The following LRMDA variants were observed in gnomAD, a reference collection of about 807,000 sequenced individuals.
LRMDA encodes the protein leucine rich melanocyte differentiation associated.
Under a neutral mutation model 29.8 loss-of-function variants are expected in LRMDA, and 18 were observed. That is an observed-to-expected ratio of 0.60 (90% confidence interval 0.42 to 0.90). The LOEUF (loss-of-function observed/expected upper bound fraction) is 0.90. LRMDA is among the 40% of genes least tolerant of loss of function. LRMDA has a pLI of 0.00. For synonymous variants in LRMDA, 125 were observed against 109.4 expected (o/e 1.14, Z -0.89); for missense variants, 273 against 273.9 (o/e 1.00, Z 0.02).
intron 2 of LRMDA, among the ~76,000 whole-genome samples, chr10:75,617,047 C>T (rs1287338048): frequency 6.6e-6 from 1 of 152,168 alleles, no homozygotes; most frequent in East Asian, 1.9e-4. Flanking sequence ...GATTAAGGTC[C>T]AGATGGTTTC....
At chr10:76,216,881 T>A (rs1851738602) in intron 5 of LRMDA, among the ~76,000 whole-genome samples, 1 of 152,200 alleles carries the variant, frequency 6.6e-6, no homozygotes, top group Non-Finnish European at 1.5e-5. Flanking sequence ...GGTCTACCAA[T>A]GAGTGAATGA....
At chr10:76,540,562 G>A (rs752547078) in intron 6 of LRMDA, among the ~76,000 whole-genome samples, 1 of 152,068 alleles carries the variant, frequency 6.6e-6, no homozygotes, top group African/African-American at 2.4e-5. Flanking sequence ...CCCCATCGTC[G>A]GTGGAATCAA....
At chr10:75,585,736 T>G (rs1840648024) in intron 2 of LRMDA, among the ~76,000 whole-genome samples, 1 of 152,224 alleles carries the variant, frequency 6.6e-6, no homozygotes, top group African/African-American at 2.4e-5. Context: ...AATACATTAT[T>G]GTTGATTGTA....
At chr10:76,217,458 T>TG (rs553913967) in intron 5 of LRMDA, among the ~76,000 whole-genome samples, 41 of 152,140 alleles carry the variant, frequency 2.7e-4, no homozygotes, top group African/African-American at 9.6e-4. Context: ...AGAACCTGGC[T>TG]GGGGGGGAAT....
intron 5 of LRMDA, among the ~76,000 whole-genome samples, chr10:76,235,533 AT>A (rs1051626475): frequency 6.6e-6 from 1 of 152,054 alleles, no homozygotes; most frequent in African/African-American, 2.4e-5. Flanking sequence ...CCTGCAGAGG[AT>A]TTCTGGGAAA....
chr10:76,248,929 A>C (rs1293078266), intron 5 of LRMDA, among the ~76,000 whole-genome samples: 1 of 152,168 alleles, frequency 6.6e-6, no homozygotes, highest in Non-Finnish European at 1.5e-5. Flanking sequence ...TCTTATCAAC[A>C]CTTGATGGGA....
chr10:76,417,428 A>G (rs1466891704), intron 6 of LRMDA, among the ~76,000 whole-genome samples: 3 of 152,140 alleles, frequency 2.0e-5, no homozygotes, highest in Non-Finnish European at 2.9e-5. Flanking sequence ...TGCACAAATC[A>G]TAGTATACAA....
chr10:75,588,096 T>A (rs1258482294), intron 2 of LRMDA, among the ~76,000 whole-genome samples: 1 of 152,170 alleles, frequency 6.6e-6, no homozygotes, highest in Non-Finnish European at 1.5e-5. Flanking sequence ...TCACTGATAA[T>A]CTCAAGGGGG....
chr10:76,546,339 C>T (rs901109331), intron 6 of LRMDA, among the ~76,000 whole-genome samples: 1 of 152,192 alleles, frequency 6.6e-6, no homozygotes, highest in African/African-American at 2.4e-5. Context: ...GTACTATCCT[C>T]ACTAAAGGCA....
chr10:75,761,463 A>G (rs1309715722), intron 2 of LRMDA, among the ~76,000 whole-genome samples: 1 of 152,220 alleles, frequency 6.6e-6, no homozygotes. Flanking sequence ...GATTCCACTT[A>G]TGTGAGTTAT....
rs530266004 is a variant in LRMDA, at chr10:76,515,404, G to A, written c.602-41805G>A. Reference sequence around the variant, plus strand: ...GATTATTTGGGGCAAATTGAACCTCGAATTTAGTGGTGTAATTTCACTAAC... The same window carrying A: ...GATTATTTGGGGCAAATTGAACCTCAAATTTAGTGGTGTAATTTCACTAAC... On this transcript the variant is annotated intron_variant, in intron 6 of 6. Coordinates refer to ENST00000611255, the MANE Select transcript of LRMDA (RefSeq NM_001305581.2). 1.5e-3 allele frequency among the ~76,000 whole-genome samples: 229 copies of A among 152,240 alleles called. 3 individuals carry two copies. Among genetic ancestry groups the A allele is most frequent in the Non-Finnish European group, 2.2e-4 (15 of 68,034 alleles).
At chr10:76,387,494 T>C (rs1372853959) in intron 6 of LRMDA, among the ~76,000 whole-genome samples, 1 of 151,862 alleles carries the variant, frequency 6.6e-6, no homozygotes, top group Non-Finnish European at 1.5e-5. Context: ...TCCCAGCTAC[T>C]TGGAAGGCTG....
chr10:76,063,683 T>C (rs1402639573), intron 5 of LRMDA, among the ~76,000 whole-genome samples: 1 of 152,180 alleles, frequency 6.6e-6, no homozygotes, highest in Admixed American at 6.5e-5. Flanking sequence ...GTCTCTCTTA[T>C]TCTTTTCCCC....
At chr10:75,945,646 A>G (rs2132414183) in intron 2 of LRMDA, among the ~76,000 whole-genome samples, 1 of 152,112 alleles carries the variant, frequency 6.6e-6, no homozygotes, top group Non-Finnish European at 1.5e-5. Context: ...AATATAAGCT[A>G]CTCTATCATT....
intron 5 of LRMDA, among the ~76,000 whole-genome samples, chr10:76,080,064 C>T (rs1376111525): frequency 6.6e-6 from 1 of 152,036 alleles, no homozygotes; most frequent in African/African-American, 2.4e-5. Flanking sequence ...CTTCCTCCTC[C>T]TCCTCCCTTC....
intron 2 of LRMDA, among the ~76,000 whole-genome samples, chr10:75,618,382 CTATATATA>C (rs71477026): frequency 1.4e-3 from 107 of 77,034 alleles, no homozygotes; most frequent in African/African-American, 3.7e-3. Flanking sequence ...CTCTCTCTCT[CTATATATA>C]TATATATATA....
chr10:76,456,390 G>A (rs1455339841), intron 6 of LRMDA, among the ~76,000 whole-genome samples: 1 of 152,198 alleles, frequency 6.6e-6, no homozygotes, highest in Non-Finnish European at 1.5e-5. Flanking sequence ...GGCAGGCCCT[G>A]AGCTGGAGCT....
chr10:76,021,205 G>C (rs1259871521), intron 2 of LRMDA, among the ~76,000 whole-genome samples: 1 of 152,176 alleles, frequency 6.6e-6, no homozygotes, highest in Non-Finnish European at 1.5e-5. Flanking sequence ...TCTAGGCATG[G>C]TTAGCTGGGT....
At chr10:75,692,564 CGT>C (rs10553888) in intron 2 of LRMDA, among the ~76,000 whole-genome samples, 47,661 of 139,840 alleles carry the variant, frequency 0.34, 9,173 homozygotes, top group Non-Finnish European at 0.46. Context: ...CATATGTATA[CGT>C]GTGTGTGTGT....
Sources: gnomAD v4.1 joint callset for allele counts (sites outside exome capture counted in the v4.1 genomes callset) on GRCh38, gnomAD v4.1.1 for gene constraint, MANE v1.5 for transcripts, NCBI Gene and HGNC (gene_info 2026-07-23, HGNC 2026-07-21) for gene names.